MACROD2: variants seen among roughly 807,000 people sequenced by gnomAD.
MACROD2 encodes mono-ADP ribosylhydrolase 2, also known as ADP-ribose glycohydrolase MACROD2.
Under a neutral mutation model 70.4 loss-of-function variants are expected in MACROD2, and 36 were observed. That is an observed-to-expected ratio of 0.51 (90% confidence interval 0.39 to 0.68). The LOEUF is 0.68. MACROD2 is among the 30% of genes least tolerant of loss of function. MACROD2 has a pLI of 0.00. For missense variants in MACROD2, 496 were observed against 538.4 expected, an observed-to-expected ratio of 0.92 and a Z score of 0.78; for synonymous variants, 172 against 178.8, an observed-to-expected ratio of 0.96 and a Z score of 0.30.
chr20:14,897,268 G>C (rs1050897335), intron 5 of MACROD2, among the ~76,000 whole-genome samples: 9 of 152,040 alleles, frequency 5.9e-5, no homozygotes, highest in Non-Finnish European at 1.0e-4. Context: ...TTGAAGGTGG[G>C]TGTCTAATGT....
chr20:15,887,231 A>G (rs950887179), intron 10 of MACROD2, among the ~76,000 whole-genome samples: 1 of 152,092 alleles, frequency 6.6e-6, no homozygotes, highest in Non-Finnish European at 1.5e-5. Context: ...CTTCAAGGGG[A>G]AATAACACCA....
chr20:15,718,893 G>A (rs2050744458), intron 8 of MACROD2, among the ~76,000 whole-genome samples: 1 of 152,120 alleles, frequency 6.6e-6, no homozygotes, highest in Non-Finnish European at 1.5e-5. Flanking sequence ...CCCTTCTTTG[G>A]ATGTTAAGAT....
At chr20:15,021,073 TGTGTATGTGTATACAC>T (rs762960395) in intron 5 of MACROD2, among the ~76,000 whole-genome samples, 2,446 of 138,062 alleles carry the variant, frequency 0.018, 179 homozygotes, top group Non-Finnish European at 0.026. Flanking sequence ...TATACACATG[TGTGTATGTGTATACAC>T]GTGTATGTGT....
chr20:14,746,245 G>A (rs1411183317), intron 5 of MACROD2, among the ~76,000 whole-genome samples: 1 of 152,104 alleles, frequency 6.6e-6, no homozygotes, highest in African/African-American at 2.4e-5. Flanking sequence ...TCTTGACAGA[G>A]GAACTCCTGC....
At chr20:14,597,288 A>G (rs1214932729) in intron 4 of MACROD2, among the ~76,000 whole-genome samples, 1 of 152,184 alleles carries the variant, frequency 6.6e-6, no homozygotes, top group Non-Finnish European at 1.5e-5. Flanking sequence ...TATTTGTTTG[A>G]AACCAAATAC....
intron 5 of MACROD2, among the ~76,000 whole-genome samples, chr20:14,976,635 C>T (rs140178636): frequency 2.0e-5 from 3 of 152,258 alleles, no homozygotes; most frequent in African/African-American, 4.8e-5. Flanking sequence ...TATTTTTAGC[C>T]TACCTCGGTT....
chr20:15,135,060 T>A (rs1471485855), intron 5 of MACROD2, among the ~76,000 whole-genome samples: 6 of 151,962 alleles, frequency 3.9e-5, no homozygotes, highest in African/African-American at 1.5e-4. Context: ...TCTGAAATTG[T>A]GGCAATAATC....
chr20:14,792,947 AT>A (rs1217805396), intron 5 of MACROD2, among the ~76,000 whole-genome samples: 3 of 151,894 alleles, frequency 2.0e-5, no homozygotes, highest in Middle Eastern at 3.4e-3. Flanking sequence ...GTTATTTTGG[AT>A]TTTTTTTAAA....
chr20:14,506,757 T>C (rs1424610026), intron 4 of MACROD2, among the ~76,000 whole-genome samples: 1 of 152,106 alleles, frequency 6.6e-6, no homozygotes, highest in Non-Finnish European at 1.5e-5. Flanking sequence ...AAAACTGTTT[T>C]GGCTAACACA....
At chr20:15,884,339 G>A (rs1218603751) in intron 9 of MACROD2, among the ~76,000 whole-genome samples, 5 of 152,088 alleles carry the variant, frequency 3.3e-5, no homozygotes, top group Non-Finnish European at 7.4e-5. Context: ...GCAGGTAGAC[G>A]AGGCTGAGGG....
chr20:14,325,895 C>T (rs2082725464), intron 3 of MACROD2: 1 of 1,613,798 alleles, frequency 6.2e-7, no homozygotes, highest in African/African-American at 1.3e-5. Context: ...GTAACCAGGG[C>T]CACAGCCCCA....
intron 6 of MACROD2, among the ~76,000 whole-genome samples, chr20:15,401,290 G>A (rs541415762): frequency 5.3e-5 from 8 of 152,142 alleles, no homozygotes; most frequent in Non-Finnish European, 1.0e-4. Flanking sequence ...CGCCCGCCTC[G>A]GCCTCCCAAA....
At chr20:14,921,358 A>G (rs115905348) in intron 5 of MACROD2, among the ~76,000 whole-genome samples, 2,059 of 152,320 alleles carry the variant, frequency 0.014, 39 homozygotes, top group African/African-American at 0.047. Flanking sequence ...ATTGATTTAT[A>G]GCCGTCTTTG....
At chr20:15,946,547 G>A (rs1170327035) in intron 12 of MACROD2, among the ~76,000 whole-genome samples, 1 of 152,096 alleles carries the variant, frequency 6.6e-6, no homozygotes, top group Non-Finnish European at 1.5e-5. Context: ...AACCTTAAAT[G>A]TTATCATGAA....
chr20:14,267,352 A>C (rs1205393977), intron 3 of MACROD2, among the ~76,000 whole-genome samples: 3 of 152,270 alleles, frequency 2.0e-5, no homozygotes, highest in Admixed American at 6.5e-5. Context: ...TAGAATATAA[A>C]ACAAAATGTA....
At chr20:15,056,633 TA>T (rs578014406) in intron 5 of MACROD2, among the ~76,000 whole-genome samples, 15 of 149,362 alleles carry the variant, frequency 1.0e-4, no homozygotes, top group South Asian at 8.5e-4. Context: ...TTTAGCTGTT[TA>T]AAAAAAAAAA....
intron 3 of MACROD2, among the ~76,000 whole-genome samples, chr20:14,148,969 T>A (rs1439025624): frequency 9.2e-5 from 14 of 152,160 alleles, no homozygotes; most frequent in Non-Finnish European, 1.5e-4. Flanking sequence ...ACTTTTCTGC[T>A]GTTCCAGGTG....
intron 3 of MACROD2, among the ~76,000 whole-genome samples, chr20:14,176,987 G>C (rs1308754272): frequency 9.2e-5 from 14 of 152,116 alleles, no homozygotes; most frequent in Admixed American, 7.9e-4. Flanking sequence ...TGCAAAACCT[G>C]TACTAGGAAA....
chr20:14,239,698 G>A (rs1201297054), intron 3 of MACROD2, among the ~76,000 whole-genome samples: 1 of 152,166 alleles, frequency 6.6e-6, no homozygotes, highest in African/African-American at 2.4e-5. Flanking sequence ...ATGGATTAAA[G>A]TCTTAAATGT....
Sources: allele counts gnomAD v4.1 joint callset (sites outside exome capture counted in the v4.1 genomes callset), GRCh38; gene constraint gnomAD v4.1.1; transcripts MANE v1.5; gene names NCBI Gene and HGNC (gene_info 2026-07-23, HGNC 2026-07-21).